Variants in PDS5A observed in about 807,000 individuals in gnomAD.
The protein encoded by PDS5A is sister chromatid cohesion protein PDS5 homolog A.
In PDS5A, 42 loss-of-function variants were observed where a neutral mutation model predicts 167.1. The ratio of observed to expected loss-of-function variants is 0.25; its 90% CI spans 0.20 to 0.33. PDS5A has a LOEUF of 0.33. Ranked by LOEUF, PDS5A falls within the 10% of genes least tolerant of loss-of-function variation. The pLI is 1.00. For missense variants in PDS5A, 1,033 were observed against 1,605.9 expected (o/e 0.64, Z 6.10); for synonymous variants, 553 against 554.6 (o/e 1.00, Z 0.04).
chr4:39,835,328 T>C (rs957161107), intron 32 of PDS5A, among the ~76,000 whole-genome samples: 3 of 152,218 alleles, frequency 2.0e-5, no homozygotes, highest in African/African-American at 4.8e-5. Context: ...ACACTGCCCA[T>C]TGATCTACTA....
intron 31 of PDS5A, among the ~76,000 whole-genome samples, chr4:39,838,549 C>T (rs999613294): frequency 9.9e-5 from 15 of 152,062 alleles, no homozygotes; most frequent in African/African-American, 3.6e-4. Context: ...TAGTGAGATC[C>T]CATCTCTACA....
chr4:39,858,363 C>T (rs184843806), intron 26 of PDS5A, among the ~76,000 whole-genome samples: 239 of 152,316 alleles, frequency 1.6e-3, no homozygotes, highest in Middle Eastern at 3.4e-3. Context: ...TAAGGCCAGA[C>T]ATACAGACAA....
chr4:39,930,257 TTTTTG>T (rs1218108413), intron 2 of PDS5A, among the ~76,000 whole-genome samples: 20 of 126,302 alleles, frequency 1.6e-4, no homozygotes, highest in South Asian at 2.7e-4. Context: ...GTTTTTTTGT[TTTTTG>T]TTTTTTTTTT....
intron 18 of PDS5A, among the ~76,000 whole-genome samples, 171 bp downstream of exon 18, chr4:39,879,554 ACAT>A (rs1312575744): frequency 6.6e-6 from 1 of 152,228 alleles, no homozygotes; most frequent in Admixed American, 6.5e-5. Context: ...TAAAATAATT[ACAT>A]TATTATATTA....
At chr4:39,909,504 A>T (rs1723711785) in intron 10 of PDS5A, among the ~76,000 whole-genome samples, 1 of 152,224 alleles carries the variant, frequency 6.6e-6, no homozygotes, top group African/African-American at 2.4e-5. Flanking sequence ...TGTCAGCTTG[A>T]ATTTCAGTTA....
At chr4:39,870,155 G>C (rs1402502729) in intron 21 of PDS5A, among the ~76,000 whole-genome samples, 1 of 151,658 alleles carries the variant, frequency 6.6e-6, no homozygotes, top group East Asian at 1.9e-4. Context: ...TCCACAAGAA[G>C]CAAACACACA....
At chr4:39,962,700 A>T (rs1729604739) in intron 2 of PDS5A, among the ~76,000 whole-genome samples, 1 of 151,952 alleles carries the variant, frequency 6.6e-6, no homozygotes, top group Admixed American at 6.6e-5. Context: ...TCTAGTTGGG[A>T]GGCTGAGGCA....
intron 17 of PDS5A, among the ~76,000 whole-genome samples, chr4:39,883,161 CTTCTT>C (rs1411050141): frequency 6.6e-6 from 1 of 152,060 alleles, no homozygotes; most frequent in Non-Finnish European, 1.5e-5. Context: ...TGCAATCTGT[CTTCTT>C]TTCAACTAGC....
intron 19 of PDS5A, among the ~76,000 whole-genome samples, chr4:39,875,721 T>C (rs955022263): frequency 1.4e-4 from 21 of 152,186 alleles, no homozygotes; most frequent in Non-Finnish European, 2.6e-4. Flanking sequence ...TGACTGAGTA[T>C]TGACTATGCT....
chr4:39,905,745 T>C (rs570925395), intron 11 of PDS5A, among the ~76,000 whole-genome samples: 9 of 151,574 alleles, frequency 5.9e-5, no homozygotes, highest in African/African-American at 2.2e-4. Flanking sequence ...GATAAGATTT[T>C]ACACCATAAA....
At chr4:39,974,560 T>G (rs1299121124) in intron 2 of PDS5A, among the ~76,000 whole-genome samples, 1 of 152,170 alleles carries the variant, frequency 6.6e-6, no homozygotes, top group African/African-American at 2.4e-5. Context: ...TTTTACTTTT[T>G]TGAGATGAAG....
chr4:39,923,173 C>T (rs2109720284), intron 5 of PDS5A, among the ~76,000 whole-genome samples: 1 of 151,576 alleles, frequency 6.6e-6, no homozygotes, highest in East Asian at 1.9e-4. Context: ...TACAAAAATA[C>T]AAAAATTAGT....
At chr4:39,903,514 G>A (rs1185298873) in intron 12 of PDS5A, among the ~76,000 whole-genome samples, 1 of 152,194 alleles carries the variant, frequency 6.6e-6, no homozygotes, top group Non-Finnish European at 1.5e-5. Context: ...AGAATTATAA[G>A]TAATATTCAG....
chr4:39,840,356 C>T (rs1375766815), intron 31 of PDS5A, among the ~76,000 whole-genome samples: 3 of 152,192 alleles, frequency 2.0e-5, no homozygotes, highest in Non-Finnish European at 4.4e-5. Context: ...TCAACAAAGT[C>T]GTCAAGCACG....
In PDS5A at chr4:39,862,865, T is replaced by C. The variant is rs539675024; in HGVS notation, c.2971+4A>G. On this transcript the variant is annotated splice_donor_region_variant and intron_variant, in intron 25 of 32. Transcript: ENST00000303538. ...TTGCACACGGAGAACTCTGAGTTAC[T>C]TACCAGTAGCCATAGGATTCTGCTT... 14 of 1,582,318 alleles carry C rather than the reference T, an allele frequency of 8.8e-6. No homozygotes were observed. In the African/African-American group the frequency reaches 1.6e-4, roughly 18 times the overall value.
intron 32 of PDS5A, among the ~76,000 whole-genome samples, chr4:39,836,605 AT>A (rs1316431898): frequency 1.2e-5 from 1 of 84,714 alleles, no homozygotes; most frequent in African/African-American, 4.4e-5. Flanking sequence ...CACACCCGGG[AT>A]TTTTTTCTAT....
intron 2 of PDS5A, among the ~76,000 whole-genome samples, chr4:39,929,953 T>A (rs1578764815): frequency 6.7e-6 from 1 of 150,122 alleles, no homozygotes; most frequent in African/African-American, 2.4e-5. Flanking sequence ...AGGTGGCTCA[T>A]GCCTGTAATC....
At chr4:39,836,031 G>C (rs1254829788) in intron 32 of PDS5A, among the ~76,000 whole-genome samples, 1 of 152,156 alleles carries the variant, frequency 6.6e-6, no homozygotes, top group Non-Finnish European at 1.5e-5. Context: ...GTATGTTAAG[G>C]GGTAAGGAAA....
Position 39,824,517 on chromosome 4 carries a change from T to A in PDS5A, c.*968A>T, listed in dbSNP as rs1052431828. The stretch of plus-strand genomic sequence containing the variant: ...TTTCCAAATAGCACAATGCTGAAAA[T>A]TGATAGCAATCCTAAAACACCTCCA... On this transcript the variant is annotated 3_prime_UTR_variant, in exon 33 of 33. Coordinates refer to ENST00000303538, the MANE Select transcript of PDS5A (RefSeq NM_001100399.2). The A allele has an allele frequency of 5.2e-5, 8 of 152,606 alleles. No homozygotes were observed. The highest frequency in any genetic ancestry group is 1.9e-4 in the African/African-American group (8 of 41,544). 9.5% of individuals were successfully genotyped at this position (152,606 alleles called of 1,614,324 possible). A position where few individuals can be genotyped will look rare whatever the true frequency, so the allele number is the denominator to read the frequency against.
Sources: gnomAD v4.1 joint callset for allele counts (sites outside exome capture counted in the v4.1 genomes callset) on GRCh38, gnomAD v4.1.1 for gene constraint, MANE v1.5 for transcripts, NCBI Gene and HGNC (gene_info 2026-07-23, HGNC 2026-07-21) for gene names.